The following KIF1C variants were observed in gnomAD, a reference collection of about 807,000 sequenced individuals.
KIF1C encodes kinesin family member 1C.
Under a neutral mutation model 126.5 loss-of-function variants are expected in KIF1C, and 61 were observed. The observed-to-expected ratio is 0.48, with a 90% CI of 0.39 to 0.60. The LOEUF (loss-of-function observed/expected upper bound fraction) is 0.60, where lower values mean the gene tolerates loss of function less well. Among genes scored for constraint, KIF1C ranks in the 20% least tolerant of loss-of-function variants. KIF1C has a pLI of 0.00. For missense variants in KIF1C, 1,315 were observed against 1,489.2 expected (o/e 0.88, Z 1.93); for synonymous variants, 640 against 580.6 (o/e 1.10, Z -1.47).
chr17:5,007,403 C>T (rs1057375207), intron 15 of KIF1C, 61 bp downstream of exon 15: 1 of 1,611,024 alleles, frequency 6.2e-7, no homozygotes, highest in Non-Finnish European at 8.5e-7. Flanking sequence ...AGGTCAGGCC[C>T]CACAGGGAAG....
At position 5,007,512 on chromosome 17, in the gene KIF1C, G is replaced by C. The variant is rs1974763233; in HGVS notation, c.1461G>C (p.Gly487=). 1 of 1,567,386 alleles carries C rather than the reference G, an allele frequency of 6.4e-7. No individual in the cohort carries two copies. The highest frequency in any genetic ancestry group is 8.6e-7 in the Non-Finnish European group (1 of 1,156,758). ...TGGGGGTGGCCGTCCGGGAGGATGG[G>C]GGAACTGTGGGCGTCTTCTCTCCAA... is the stretch of plus-strand genomic sequence containing the variant. ...AEMGVAVRED[G]GTVGVFSPKK... The change falls in exon 16 of 23, where the codon GGG becomes GGC. Residue 487 remains glycine, a synonymous_variant. Transcript: ENST00000320785.
At chr17:4,998,181 A>C (rs1974436733) in intron 1 of KIF1C, 25 bp downstream of exon 1, 1 of 152,370 alleles carries the variant, frequency 6.6e-6, no homozygotes, top group Admixed American at 6.5e-5. Context: ...AGGGGGAGGG[A>C]AGGGACGCCC....
chr17:5,024,195 G>A lies in KIF1C; in HGVS notation c.*44G>A, dbSNP rs1268148459. On this transcript the variant is annotated 3_prime_UTR_variant, in exon 23 of 23. Coordinates refer to ENST00000320785, the MANE Select transcript of KIF1C (RefSeq NM_006612.6). ...AGGGCCTGGTGGGGCCCCTTGCTAG[G>A]AGAAGGGAAGACGCCCGAGACGCTG... 9 of 1,381,954 alleles carry A rather than the reference G, an allele frequency of 6.5e-6. No individual in the cohort carries two copies. The highest frequency in any genetic ancestry group is 7.9e-6 in the Non-Finnish European group (8 of 1,010,630). 85.6% of individuals were successfully genotyped at this position (1,381,954 alleles called of 1,614,324 possible).
In KIF1C at chr17:5,005,827, A is replaced by G. The variant is rs555396714; in HGVS notation, c.1165+827A>G. 4.0e-5 allele frequency among the ~76,000 whole-genome samples: 6 copies of G among 151,438 alleles called. No individual in the cohort carries two copies. The South Asian group carries it at 1.3e-3, about 32-fold the overall frequency. ...CTGCAACCTCCGCCTTCTGGGTTCA[A>G]GAGATTCTCCTGCCTCAGCCTCCCG... is the stretch of plus-strand genomic sequence containing the variant. On this transcript the variant is annotated intron_variant, in intron 13 of 22. Transcript: ENST00000320785.
intron 21 of KIF1C, 126 bp from the exon 22 acceptor site, chr17:5,021,966 G>A: frequency 1.9e-6 from 2 of 1,038,392 alleles, no homozygotes; most frequent in East Asian, 2.4e-5. Context: ...CTGTTGGGGT[G>A]GAGCAGGACT....
Position 5,000,298 on chromosome 17 carries a change from C to A in KIF1C, c.52C>A (p.Arg18Ser), listed in dbSNP as rs199632760. 1 of 1,592,882 alleles carries A rather than the reference C, an allele frequency of 6.3e-7. No individual in the cohort carries two copies. The highest frequency in any genetic ancestry group is 2.3e-5 in the East Asian group (1 of 43,428). ...VAVRVRPFNA[R>S]ETSQDAKCVV... ...AGTGAGGGTTCGGCCCTTTAACGCCCGTGAGACCAGCCAGGATGCCAAGTG... is the reference window on the plus strand; with the variant it reads ...AGTGAGGGTTCGGCCCTTTAACGCCAGTGAGACCAGCCAGGATGCCAAGTG... The change falls in exon 3 of 23, where the codon CGT (arginine) becomes AGT (serine). Residue 18 changes from arginine to serine, a missense_variant. Arg to Ser is a moderately radical substitution (Grantham distance 110, BLOSUM62 -1). Transcript: ENST00000320785.
chr17:4,999,084 TG>T (rs1170995831), intron 1 of KIF1C: 6 of 152,150 alleles, frequency 3.9e-5, no homozygotes, highest in Admixed American at 2.0e-4. Context: ...CCCTGAGGGT[TG>T]GTCTGATGGC....
intron 17 of KIF1C, among the ~76,000 whole-genome samples, chr17:5,014,491 C>A (rs932545342): frequency 2.6e-5 from 4 of 151,900 alleles, no homozygotes; most frequent in Non-Finnish European, 4.4e-5. Flanking sequence ...GAGAAGTTGG[C>A]GAGCCTGCTG....
chr17:5,011,007 A>C (rs1974853531), intron 16 of KIF1C, among the ~76,000 whole-genome samples: 1 of 151,814 alleles, frequency 6.6e-6, no homozygotes, highest in Non-Finnish European at 1.5e-5. Flanking sequence ...TTATACTCCC[A>C]AGGGTAACAT....
At position 5,003,672 on chromosome 17, in the gene KIF1C, C is replaced by G. The variant is rs778681371; in HGVS notation, c.781C>G (p.Arg261Gly). The change falls in exon 9 of 23, where the codon CGG (arginine) becomes GGG (glycine). Residue 261 changes from arginine to glycine, a missense_variant. Coordinates refer to ENST00000320785, the MANE Select transcript of KIF1C (RefSeq NM_006612.6). ...GSERADSSGA[R>G]GMRLKEGANI... is the part of the protein sequence containing the mutation. ...TGAGCGAGCCGACTCCTCAGGGGCC[C>G]GGGGCATGCGCCTGAAGGTGAGGGG... The G allele has an allele frequency of 6.2e-7, 1 of 1,613,430 alleles. No homozygotes were observed. Among genetic ancestry groups the G allele is most frequent in the Non-Finnish European group, 8.5e-7 (1 of 1,179,674 alleles).
chr17:5,002,190 A>G, intron 6 of KIF1C, 66 bp downstream of exon 6: 7 of 1,426,892 alleles, frequency 4.9e-6, no homozygotes, highest in Middle Eastern at 1.8e-4. Context: ...CGCTGGAATC[A>G]GACAGCCTGG....
intron 16 of KIF1C, among the ~76,000 whole-genome samples, chr17:5,008,302 TG>T (rs1974780327): frequency 6.6e-6 from 1 of 152,142 alleles, no homozygotes; most frequent in Non-Finnish European, 1.5e-5. Flanking sequence ...GAAAGGACAC[TG>T]GATATAGACA....
intron 1 of KIF1C, among the ~76,000 whole-genome samples, chr17:4,998,435 G>T (rs1056240502): frequency 6.6e-6 from 1 of 152,144 alleles, no homozygotes; most frequent in Non-Finnish European, 1.5e-5. Context: ...CTTTCGGGCC[G>T]GTCGGCCCCA....
intron 1 of KIF1C, among the ~76,000 whole-genome samples, chr17:4,998,815 C>G (rs1649007598): frequency 6.6e-6 from 1 of 152,148 alleles, no homozygotes; most frequent in African/African-American, 2.4e-5. Flanking sequence ...GCTCCGCATC[C>G]CTTATCCTTC....
intron 16 of KIF1C, among the ~76,000 whole-genome samples, chr17:5,008,706 G>A (rs1431811859): frequency 1.3e-5 from 2 of 152,268 alleles, no homozygotes; most frequent in Admixed American, 1.3e-4. Flanking sequence ...GTGGGCGGTA[G>A]GCCAGGCTGC....
In KIF1C at chr17:5,025,104, C is replaced by T. The variant is rs766969733; in HGVS notation, c.*953C>T. On this transcript the variant is annotated 3_prime_UTR_variant, in exon 23 of 23. Coordinates refer to ENST00000320785, the MANE Select transcript of KIF1C (RefSeq NM_006612.6). ...CAGGCTGGTCTCGAACTCCTGATGA[C>T]CTCAAGTGATCCGCCCACCTTGGCC... 1.3e-5 allele frequency: 2 copies of T among 152,116 alleles called. No individual in the cohort carries two copies. Among genetic ancestry groups the T allele is most frequent in the Non-Finnish European group, 2.9e-5 (2 of 68,068 alleles). The allele number at this position is 152,116 out of a possible 1,614,324, so 9.4% of individuals were successfully genotyped here.
At chr17:5,008,231 G>A (rs933713777) in intron 16 of KIF1C, among the ~76,000 whole-genome samples, 1 of 152,198 alleles carries the variant, frequency 6.6e-6, no homozygotes, top group Non-Finnish European at 1.5e-5. Flanking sequence ...TCAGGCTCAG[G>A]TGGAGGCAGG....
chr17:5,022,343 G>A lies in KIF1C; in HGVS notation c.2262G>A (p.Glu754=), dbSNP rs371464539. The change falls in exon 22 of 23, where the codon GAG becomes GAA. Residue 754 remains glutamate, a synonymous_variant. Transcript: ENST00000320785. This position sits in a 1 kb window ranked among gnomAD's most constrained non-coding sequence, Gnocchi z 4.9. The part of the protein sequence containing the change: ...MADLKMQAVK[E]ICYEVALADF... ...ACCTGAAGATGCAGGCGGTGAAGGA[G>A]ATCTGCTACGAGGTGGCCCTGGCTG... 11 of 1,596,646 alleles carry A rather than the reference G, an allele frequency of 6.9e-6. No homozygotes were observed. The highest frequency in any genetic ancestry group is 6.7e-5 in the African/African-American group (5 of 74,678).
chr17:5,001,407 C>T lies in KIF1C; in HGVS notation c.363+6C>T. On this transcript the variant is annotated splice_donor_region_variant and intron_variant, in intron 5 of 22. Coordinates refer to ENST00000320785, the MANE Select transcript of KIF1C (RefSeq NM_006612.6). ...AGCAGGGCATCGTGCCCCAGGTACG[C>T]CTAGGACCTGGTGGGGCAGCCAGGG... 1 of 1,612,820 alleles carries T rather than the reference C, an allele frequency of 6.2e-7. No individual in the cohort carries two copies. The highest frequency in any genetic ancestry group is 8.5e-7 in the Non-Finnish European group (1 of 1,179,134).
Sources: gnomAD v4.1 joint callset for allele counts (sites outside exome capture counted in the v4.1 genomes callset) on GRCh38, gnomAD v4.1.1 for gene constraint, Gnocchi (gnomAD v3.1) non-coding constraint, MANE v1.5 for transcripts, NCBI Gene and HGNC (gene_info 2026-07-23, HGNC 2026-07-21) for gene names.